Variants in TECTA observed in about 807,000 individuals in gnomAD.
TECTA encodes tectorin alpha.
A neutral mutation model predicts 216.8 loss-of-function variants in TECTA; 128 were observed. The ratio of observed to expected loss-of-function variants is 0.59; its 90% confidence interval spans 0.51 to 0.68. TECTA has a LOEUF of 0.68. TECTA is among the 30% of genes least tolerant of loss of function. TECTA has a pLI of 0.00. For missense variants in TECTA, 2,551 were observed against 2,786.2 expected, an observed-to-expected ratio of 0.92 and a Z score of 1.90; for synonymous variants, 1,089 against 1,117.1, an observed-to-expected ratio of 0.97 and a Z score of 0.50.
intron 10 of TECTA, among the ~76,000 whole-genome samples, chr11:121,131,670 A>G (rs978254153): frequency 5.9e-5 from 9 of 152,214 alleles, no homozygotes; most frequent in Non-Finnish European, 1.3e-4. Context: ...CCAGGATCAC[A>G]TGTTGCATCT....
intron 9 of TECTA, among the ~76,000 whole-genome samples, chr11:121,128,565 C>T (rs769729582): frequency 6.6e-6 from 1 of 152,228 alleles, no homozygotes; most frequent in Non-Finnish European, 1.5e-5. Flanking sequence ...TAGAGCAGGA[C>T]TAGCTCTCCG....
At chr11:121,159,042 G>A (rs557875200) in intron 14 of TECTA, among the ~76,000 whole-genome samples, 4 of 152,160 alleles carry the variant, frequency 2.6e-5, no homozygotes, top group Non-Finnish European at 2.9e-5. Flanking sequence ...GCAGGGACCC[G>A]GAGACAGCCA....
intron 20 of TECTA, among the ~76,000 whole-genome samples, chr11:121,180,714 T>C (rs1225274531): frequency 6.6e-6 from 1 of 152,152 alleles, no homozygotes; most frequent in Non-Finnish European, 1.5e-5. Context: ...TCTATGCCTT[T>C]GGACATCTTT....
chr11:121,162,352 A>G lies in TECTA; in HGVS notation c.5254A>G (p.Ile1752Val). 6.2e-7 allele frequency: 1 copy of G among 1,613,396 alleles called. No individual in the cohort carries two copies. The highest frequency in any genetic ancestry group is 8.5e-7 in the Non-Finnish European group (1 of 1,180,042). Residue 1752 changes from isoleucine (I) to valine (V), a missense_variant, in exon 16 of 24, where the codon ATT becomes GTT. Around this residue, in one of 3 missense-constraint regions of TECTA, gnomAD observed 2,375 missense variants for 2,563.9 expected, o/e 0.93. Coordinates refer to ENST00000392793, the MANE Select transcript of TECTA (RefSeq NM_005422.4). ...RSFGILSTEW[I>V]EKENCSGVVE... ...CTTCGGGATCCTTAGCACCGAGTGGATTGAGAAGGAGAATTGCTGTAAGAG... is the reference window on the plus strand; with the variant it reads ...CTTCGGGATCCTTAGCACCGAGTGGGTTGAGAAGGAGAATTGCTGTAAGAG...
chr11:121,168,031 T>G, intron 18 of TECTA, 23 bp from the exon 19 acceptor site: 1 of 1,614,116 alleles, frequency 6.2e-7, no homozygotes. Context: ...TGTAACGATT[T>G]CTGACTTCCC....
chr11:121,173,082 G>T (rs1215162945), intron 20 of TECTA, among the ~76,000 whole-genome samples: 1 of 152,052 alleles, frequency 6.6e-6, no homozygotes, highest in Non-Finnish European at 1.5e-5. Flanking sequence ...GTAGATTCTG[G>T]ATACTAGCCC....
At chr11:121,138,500 G>C (rs1056570109) in intron 11 of TECTA, among the ~76,000 whole-genome samples, 4 of 152,080 alleles carry the variant, frequency 2.6e-5, no homozygotes, top group African/African-American at 9.7e-5. Flanking sequence ...ACCTTTTCTG[G>C]CCTCCCTCCG....
intron 10 of TECTA, among the ~76,000 whole-genome samples, chr11:121,132,027 C>T (rs2135088157): frequency 6.6e-6 from 1 of 152,234 alleles, no homozygotes; most frequent in African/African-American, 2.4e-5. Flanking sequence ...ACATATTTTT[C>T]AGGGAAATAC....
chr11:121,120,269 A>G lies in TECTA; in HGVS notation c.1203+1551A>G, dbSNP rs544337763. Among the ~76,000 whole-genome samples, 18 of 152,240 alleles carry G rather than the reference A, an allele frequency of 1.2e-4. No individual in the cohort carries two copies. The East Asian group carries it at 2.9e-3, about 24-fold the overall frequency. The stretch of plus-strand genomic sequence containing the variant: ...CCAAGCATAGGGCATGGATTCCTCA[A>G]TTTTCTGTAGCGACAGGGCGATGTG... On this transcript the variant is annotated intron_variant, in intron 7 of 23. Coordinates refer to ENST00000392793, the MANE Select transcript of TECTA (RefSeq NM_005422.4).
chr11:121,109,589 G>T, intron 4 of TECTA, 91 bp downstream of exon 4: 1 of 1,486,752 alleles, frequency 6.7e-7, no homozygotes, highest in Non-Finnish European at 9.3e-7. Flanking sequence ...AATTATTAGA[G>T]CTAAGGAGTG....
chr11:121,187,819 T>A lies in TECTA; in HGVS notation c.6000-13T>A, dbSNP rs747826461. On this transcript the variant is annotated splice_polypyrimidine_tract_variant and intron_variant, in intron 20 of 23. Transcript: ENST00000392793. ...ACATGTGAAGCAAAGATTCCATTAT[T>A]TTTTCTGAATAGGTGTCAGAACCTC... The A allele has an allele frequency of 6.2e-7, 1 of 1,614,216 alleles. No homozygotes were observed. The highest frequency in any genetic ancestry group is 1.1e-5 in the South Asian group (1 of 91,090).
chr11:121,145,959 C>A lies in TECTA; in HGVS notation c.3948C>A (p.Ser1316Arg), dbSNP rs1946831947. 1.2e-6 allele frequency: 2 copies of A among 1,614,148 alleles called. No individual in the cohort carries two copies. The highest frequency in any genetic ancestry group is 3.3e-5 in the Admixed American group (2 of 60,014). The change falls in exon 12 of 24, where the codon AGC (serine) becomes AGA (arginine). Residue 1316 changes from serine to arginine, a missense_variant. Around this residue, in one of 3 missense-constraint regions of TECTA, gnomAD observed 2,375 missense variants for 2,563.9 expected, o/e 0.93. Transcript: ENST00000392793. ...ACGCTGCCTTCTCCAAGTGTCACAG[C>A]AAAGTTAACCCCACCTTCTTCTATA... is the stretch of plus-strand genomic sequence containing the variant. ...NQNAAFSKCH[S>R]KVNPTFFYKN...
chr11:121,159,145 T>C (rs1171322376), intron 14 of TECTA, among the ~76,000 whole-genome samples: 1 of 152,160 alleles, frequency 6.6e-6, no homozygotes, highest in East Asian at 1.9e-4. Context: ...AATTGAAGAG[T>C]CATCAAATAG....
At chr11:121,182,746 A>G (rs1181050027) in intron 20 of TECTA, among the ~76,000 whole-genome samples, 5 of 152,184 alleles carry the variant, frequency 3.3e-5, no homozygotes, top group Admixed American at 1.3e-4. Flanking sequence ...GGTGGTGGCA[A>G]CACGTTGGTT....
intron 6 of TECTA, among the ~76,000 whole-genome samples, chr11:121,117,046 C>T (rs1356522887): frequency 2.6e-5 from 4 of 152,206 alleles, no homozygotes; most frequent in East Asian, 1.9e-4. Context: ...CTGATACACC[C>T]GCACCCTCAA....
At position 121,187,858 on chromosome 11, in the gene TECTA, T is replaced by C. The variant is rs1947302606; in HGVS notation, c.6026T>C (p.Ile2009Thr). 5 of 1,614,246 alleles carry C rather than the reference T, an allele frequency of 3.1e-6. No homozygotes were observed. The highest frequency in any genetic ancestry group is 4.2e-6 in the Non-Finnish European group (5 of 1,180,040). ...TGTCAGAACCTCAAAGATAACACCATTGGCATCGAGGAGAATGCAGTCTCC... is the reference window on the plus strand; with the variant it reads ...TGTCAGAACCTCAAAGATAACACCACTGGCATCGAGGAGAATGCAGTCTCC... ...GGCQNLKDNT[I>T]GIEENAVSLT... The change falls in exon 21 of 24, where the codon ATT (isoleucine) becomes ACT (threonine). Residue 2009 changes from isoleucine to threonine, a missense_variant. Transcript: ENST00000392793.
chr11:121,167,218 G>C (rs1947062827), intron 18 of TECTA, among the ~76,000 whole-genome samples: 1 of 152,164 alleles, frequency 6.6e-6, no homozygotes. Flanking sequence ...ACTGCTAGAG[G>C]CCAGGAATTC....
chr11:121,140,246 G>C (rs1946771066), intron 11 of TECTA, among the ~76,000 whole-genome samples: 1 of 150,054 alleles, frequency 6.7e-6, no homozygotes, highest in South Asian at 2.1e-4. Flanking sequence ...TTCATGTATA[G>C]ACTGTGGGGT....
chr11:121,138,666 C>G (rs940038433), intron 11 of TECTA, among the ~76,000 whole-genome samples: 2 of 152,162 alleles, frequency 1.3e-5, no homozygotes, highest in Admixed American at 6.5e-5. Flanking sequence ...AGAGCACTTC[C>G]TTGGCCATGA....
Sources: allele counts gnomAD v4.1 joint callset (sites outside exome capture counted in the v4.1 genomes callset), GRCh38; gene constraint gnomAD v4.1.1; regional missense constraint gnomAD v4.1.1; transcripts MANE v1.5; gene names NCBI Gene and HGNC (gene_info 2026-07-23, HGNC 2026-07-21).